CCDC136: variants seen among roughly 807,000 people sequenced by gnomAD.
The protein encoded by CCDC136 is coiled-coil domain-containing protein 136.
A neutral mutation model predicts 141.2 loss-of-function variants in CCDC136; 100 were observed. That is an observed-to-expected ratio of 0.71 (90% CI 0.60 to 0.84). CCDC136 has a LOEUF of 0.84. Among genes scored for constraint, CCDC136 ranks in the 40% least tolerant of loss-of-function variants. CCDC136 has a pLI of 0.00. For missense variants in CCDC136, 1,206 were observed against 1,379.4 expected, an observed-to-expected ratio of 0.87 and a Z score of 1.99; for synonymous variants, 474 against 531.9, an observed-to-expected ratio of 0.89 and a Z score of 1.50.
At chr7:128,807,581 A>G in intron 10 of CCDC136, 36 bp downstream of exon 10, 1 of 1,315,318 alleles carries the variant, frequency 7.6e-7, no homozygotes, top group Non-Finnish European at 9.9e-7. Context: ...GCTCCTGGGC[A>G]CTTGCTCCAG....
In CCDC136 at chr7:128,805,487, G is replaced by C. The variant is rs776460413; in HGVS notation, c.911G>C (p.Arg304Pro). Residue 304 changes from arginine (R) to proline (P), a missense_variant, in exon 6 of 18, where the codon CGG becomes CCG. Coordinates refer to ENST00000297788, the MANE Select transcript of CCDC136 (RefSeq NM_022742.5). This position sits in a 1 kb window ranked among gnomAD's most constrained non-coding sequence, Gnocchi z 4.6. ...PEMQLLRQQL[R>P]DAEEQMHGMK... is the part of the protein sequence containing the mutation. ...ATGCAGTTGTTACGGCAGCAGCTAC[G>C]GGATGCTGAAGAGCAGATGCATGGC... 6.2e-7 allele frequency: 1 copy of C among 1,613,480 alleles called. No homozygotes were observed. The highest frequency in any genetic ancestry group is 8.5e-7 in the Non-Finnish European group (1 of 1,179,564).
chr7:128,815,830 G>A lies in CCDC136; in HGVS notation c.3262G>A (p.Glu1088Lys). Reference protein sequence around the residue: ...QEENEEDKEEEEKEEDSEEEE... With the variant: ...QEENEEDKEEKEKEEDSEEEE... ...GGAAAATGAAGAGGACAAAGAGGAA[G>A]AGGAGAAGGAAGAAGACAGTGAAGA... is the stretch of plus-strand genomic sequence containing the variant. Residue 1088 changes from glutamate to lysine, a missense_variant, in exon 16 of 18, where the codon GAG (glutamate) becomes AAG (lysine). Glu to Lys is a moderately conservative substitution (Grantham distance 56). Transcript: ENST00000297788. 6.2e-7 allele frequency: 1 copy of A among 1,612,294 alleles called. No homozygotes were observed. The highest frequency in any genetic ancestry group is 2.2e-5 in the East Asian group (1 of 44,846).
At chr7:128,820,301 A>T (rs928840409) in intron 17 of CCDC136, among the ~76,000 whole-genome samples, 49 of 152,222 alleles carry the variant, frequency 3.2e-4, no homozygotes, top group Admixed American at 2.6e-4. Flanking sequence ...TGCAAAGATC[A>T]TAGAAAATTC....
rs1805516941 is a variant in CCDC136, at chr7:128,810,291, G to C, written c.1953G>C (p.Glu651Asp). ...EIHEELRRFK[E>D]SHFQEVLENP... Reference sequence around the variant, plus strand: ...ACGAAGAGCTGCGACGTTTCAAAGAGTCTCATTTCCAGGAAGTGTTGGAGA... The same window carrying C: ...ACGAAGAGCTGCGACGTTTCAAAGACTCTCATTTCCAGGAAGTGTTGGAGA... Residue 651 changes from glutamate (E) to aspartate (D), a missense_variant, in exon 12 of 18, where the codon GAG becomes GAC. Physicochemically the swap from Glu to Asp is conservative, Grantham distance 45. Coordinates refer to ENST00000297788, the MANE Select transcript of CCDC136 (RefSeq NM_022742.5). 6.2e-7 allele frequency: 1 copy of C among 1,614,052 alleles called. No individual in the cohort carries two copies. The highest frequency in any genetic ancestry group is 8.5e-7 in the Non-Finnish European group (1 of 1,179,898).
At chr7:128,820,328 G>A (rs527831759) in intron 17 of CCDC136, among the ~76,000 whole-genome samples, 46 of 152,222 alleles carry the variant, frequency 3.0e-4, no homozygotes, top group African/African-American at 1.1e-3. Context: ...ACAACTCAAC[G>A]TCCAAAAACA....
At chr7:128,791,862 G>A (rs546905375), upstream of CCDC136, 2 of 390,576 alleles carry the variant, frequency 5.1e-6, no homozygotes, top group African/African-American at 2.1e-5. The surrounding 1 kb of genome is among the most constrained non-coding windows in gnomAD (Gnocchi z 7.1). Context: ...ACTCCTGAGC[G>A]CGGGGCGAGG....
At chr7:128,795,661 G>A (rs1385317176) in intron 3 of CCDC136, among the ~76,000 whole-genome samples, 1 of 152,092 alleles carries the variant, frequency 6.6e-6, no homozygotes, top group African/African-American at 2.4e-5. Context: ...GGAAGAGTGT[G>A]GGCATTGATC....
intron 3 of CCDC136, among the ~76,000 whole-genome samples, chr7:128,799,857 C>G (rs529075554): frequency 6.6e-6 from 1 of 152,220 alleles, no homozygotes; most frequent in Non-Finnish European, 1.5e-5. Context: ...ACTCTCTCCA[C>G]TTTTTCGTTC....
chr7:128,812,984 G>A, intron 14 of CCDC136, 55 bp downstream of exon 14: 3 of 1,218,778 alleles, frequency 2.5e-6, no homozygotes, highest in Non-Finnish European at 2.4e-6. Context: ...AGCCATAGAG[G>A]TCATGGCCAC....
At chr7:128,796,739 A>ATATATATATATATTTTTTTTTTTTTT in intron 3 of CCDC136, among the ~76,000 whole-genome samples, 3 of 113,382 alleles carry the variant, frequency 2.6e-5, no homozygotes, top group Admixed American at 8.4e-5. Context: ...ATATATATAT[A>ATATATATATATATTTTTTTTTTTTTT]TTCTTTTTTT....
Position 128,794,580 on chromosome 7 carries a change from G to A in CCDC136, c.249G>A (p.Glu83=). The A allele has an allele frequency of 6.4e-7, 1 of 1,556,020 alleles. No individual in the cohort carries two copies. ...EETRELAGQH[E]DDSLELQGLL... ...CCCGGGAACTGGCAGGGCAGCATGA[G>A]GATGACTCCTTGGAGCTACAGGGTG... The change falls in exon 2 of 18, where the codon GAG becomes GAA. Residue 83 remains glutamate (E), a synonymous_variant. Coordinates refer to ENST00000297788, the MANE Select transcript of CCDC136 (RefSeq NM_022742.5). This position sits in a 1 kb window ranked among gnomAD's most constrained non-coding sequence, Gnocchi z 4.3.
chr7:128,792,168 T>C lies in CCDC136; in HGVS notation c.-244T>C. On this transcript the variant is annotated 5_prime_UTR_variant, in exon 1 of 18. Coordinates refer to ENST00000297788, the MANE Select transcript of CCDC136 (RefSeq NM_022742.5). ...CTGAGAGGTGGCCGAGAGAGAGGAG[T>C]CGCAGAGCCGCCAGAGTGAGTCAGG... The C allele has an allele frequency of 7.2e-7, 1 of 1,397,898 alleles. No individual in the cohort carries two copies. The highest frequency in any genetic ancestry group is 1.6e-5 in the South Asian group (1 of 62,450). The allele number at this position is 1,397,898 out of a possible 1,614,324, so 86.6% of individuals were successfully genotyped here. A position where few individuals can be genotyped will look rare whatever the true frequency, so the allele number is the denominator to read the frequency against.
intron 17 of CCDC136, among the ~76,000 whole-genome samples, chr7:128,818,682 A>G (rs907835180): frequency 2.6e-5 from 4 of 152,202 alleles, no homozygotes; most frequent in African/African-American, 9.7e-5. Context: ...AGACTGATAT[A>G]TTCTGGCCAC....
At chr7:128,813,285 A>G (rs117089146) in intron 14 of CCDC136, among the ~76,000 whole-genome samples, 3,475 of 152,310 alleles carry the variant, frequency 0.023, 70 homozygotes, top group Non-Finnish European at 0.033. Context: ...AGGAGCACCA[A>G]CTAGATTGCA....
chr7:128,818,435 A>G (rs1806972764), intron 17 of CCDC136, among the ~76,000 whole-genome samples: 1 of 152,250 alleles, frequency 6.6e-6, no homozygotes, highest in African/African-American at 2.4e-5. Flanking sequence ...AAGCTTGGTG[A>G]AATGGAACCG....
At chr7:128,799,342 A>C (rs1207307045) in intron 3 of CCDC136, among the ~76,000 whole-genome samples, 1 of 151,978 alleles carries the variant, frequency 6.6e-6, no homozygotes, top group Non-Finnish European at 1.5e-5. Flanking sequence ...AGACTGTCTC[A>C]AAAACAGAAA....
rs201564680 is a variant in CCDC136 at position 128,812,762 on chromosome 7, A to C, written c.2596A>C (p.Met866Leu). ...GATCAAGCTGCAGGCGGTGCAGGCC[A>C]TGTACCAGATAAGCCAGGAGGAACA... ...VLIKLQAVQA[M>L]YQISQEEHSQ... The change falls in exon 14 of 18, where the codon ATG (methionine) becomes CTG (leucine). Residue 866 changes from methionine to leucine, a missense_variant. Physicochemically the swap from Met to Leu is conservative, Grantham distance 15. Coordinates refer to ENST00000297788, the MANE Select transcript of CCDC136 (RefSeq NM_022742.5). 1.9e-6 allele frequency: 3 copies of C among 1,613,618 alleles called. No homozygotes were observed. Among genetic ancestry groups the C allele is most frequent in the South Asian group, 1.1e-5 (1 of 91,034 alleles).
rs548299645 is a variant in CCDC136, at chr7:128,817,267, C to T, written c.3364-491C>T. 3.9e-5 allele frequency among the ~76,000 whole-genome samples: 6 copies of T among 152,200 alleles called. No individual in the cohort carries two copies. The highest frequency in any genetic ancestry group is 3.9e-4 in the East Asian group (2 of 5,190). On this transcript the variant is annotated intron_variant, in intron 16 of 17. Transcript: ENST00000297788. This position sits in a 1 kb window ranked among gnomAD's most constrained non-coding sequence, Gnocchi z 4.6. Reference sequence around the variant, plus strand: ...GCCCTTCTCCATTGTCAGTTTGTTTCGGTGCATGTTGTCTTACAATGATAT... The same window carrying T: ...GCCCTTCTCCATTGTCAGTTTGTTTTGGTGCATGTTGTCTTACAATGATAT...
Position 128,807,354 on chromosome 7 carries a change from GC to G in CCDC136, c.1420-3del, listed in dbSNP as rs1282917161. ...GATGATGGCCAGGCCTGCCTCCCCT[GC>G]CCAGGACACAGAGACGCACGCTCAG... On this transcript the variant is annotated splice_polypyrimidine_tract_variant and splice_region_variant and intron_variant, in intron 9 of 17. Transcript: ENST00000297788. 1.0e-5 allele frequency: 15 copies of G among 1,497,910 alleles called. No homozygotes were observed. The highest frequency in any genetic ancestry group is 1.3e-5 in the Non-Finnish European group (15 of 1,119,820). The allele number at this position is 1,497,910 out of a possible 1,614,324, so 92.8% of individuals were successfully genotyped here.
Sources: allele counts gnomAD v4.1 joint callset (sites outside exome capture counted in the v4.1 genomes callset), GRCh38; gene constraint gnomAD v4.1.1; non-coding constraint Gnocchi (gnomAD v3.1); transcripts MANE v1.5; gene names NCBI Gene and HGNC (gene_info 2026-07-23, HGNC 2026-07-21).